The following RBL2 variants were observed in gnomAD, a reference collection of about 807,000 sequenced individuals.
RBL2 encodes the protein RB transcriptional corepressor like 2.
Under a neutral mutation model 126.0 loss-of-function variants are expected in RBL2, and 56 were observed. The observed-to-expected ratio is 0.44, with a 90% CI of 0.36 to 0.56. The LOEUF is 0.56. RBL2 is among the 20% of genes least tolerant of loss of function. The pLI, the probability that RBL2 is intolerant of heterozygous loss-of-function variation, is 0.00. For synonymous variants in RBL2, 454 were observed against 478.5 expected (o/e 0.95, Z 0.67); for missense variants, 1,229 against 1,398.2 (o/e 0.88, Z 1.93).
At chr16:53,483,028 AT>A (rs1385661322) in intron 21 of RBL2, among the ~76,000 whole-genome samples, 3 of 151,930 alleles carry the variant, frequency 2.0e-5, no homozygotes, top group Admixed American at 2.0e-4. Context: ...CCTTCAGTGT[AT>A]TTTTTTTTAA....
rs772437889 is a variant in RBL2 at position 53,447,045 on chromosome 16, A to G, written c.576A>G (p.Arg192=). ...PRQQRGRKQR[R]QPCTVSEIFH... is the part of the protein sequence containing the mutation. ...TTTTTTTTTTCTTCCCCCAAAGGCGACAGCCCTGTACTGTGTCTGAAATTT... is the reference window on the plus strand; with the variant it reads ...TTTTTTTTTTCTTCCCCCAAAGGCGGCAGCCCTGTACTGTGTCTGAAATTT... Residue 192 remains arginine (R), a synonymous_variant, in exon 4 of 22, where the codon CGA becomes CGG. Transcript: ENST00000262133. The G allele has an allele frequency of 3.9e-6, 6 of 1,519,746 alleles. No homozygotes were observed. The African/African-American group carries it at 5.7e-5, about 15-fold the overall frequency. The allele number at this position is 1,519,746 out of a possible 1,614,324, so 94.1% of individuals were successfully genotyped here.
intron 2 of RBL2, among the ~76,000 whole-genome samples, chr16:53,440,471 A>C (rs1421565173): frequency 6.6e-6 from 1 of 152,176 alleles, no homozygotes; most frequent in Non-Finnish European, 1.5e-5. Flanking sequence ...TGACTTCACA[A>C]AGGTTATAAT....
At chr16:53,468,945 A>G (rs1247348402) in intron 14 of RBL2, among the ~76,000 whole-genome samples, 1 of 152,188 alleles carries the variant, frequency 6.6e-6, no homozygotes, top group Non-Finnish European at 1.5e-5. Flanking sequence ...TGTTATATAT[A>G]TAACCACAAT....
At chr16:53,482,133 A>C (rs574189791) in intron 21 of RBL2, among the ~76,000 whole-genome samples, 5 of 152,066 alleles carry the variant, frequency 3.3e-5, no homozygotes, top group African/African-American at 1.2e-4. Flanking sequence ...ATTTGTAACA[A>C]TTTTCCACAT....
intron 8 of RBL2, among the ~76,000 whole-genome samples, chr16:53,455,953 G>A (rs2058163087): frequency 2.0e-5 from 3 of 152,100 alleles, no homozygotes. Flanking sequence ...AAGACTGCCT[G>A]AGCCCAGGAG....
At chr16:53,489,625 C>G (rs185204341) in intron 21 of RBL2, 1 of 152,234 alleles carries the variant, frequency 6.6e-6, no homozygotes. Context: ...CATTCTAGAT[C>G]TTACTAATTT....
intron 4 of RBL2, 32 bp from the exon 5 acceptor site, chr16:53,451,671 A>G: frequency 6.2e-7 from 1 of 1,602,828 alleles, no homozygotes; most frequent in Non-Finnish European, 8.5e-7. Context: ...GTCAATGCTA[A>G]TTTAACTCTG....
intron 2 of RBL2, among the ~76,000 whole-genome samples, chr16:53,440,133 T>TA (rs1256961970): frequency 6.6e-6 from 1 of 151,772 alleles, no homozygotes; most frequent in Non-Finnish European, 1.5e-5. Flanking sequence ...CCGTCTCAAC[T>TA]AAAAATACAA....
In RBL2 at chr16:53,470,266, A is replaced by G; in HGVS notation, c.2245+81A>G. 4 of 1,561,108 alleles carry G rather than the reference A, an allele frequency of 2.6e-6. No individual in the cohort carries two copies. The South Asian group carries it at 3.7e-5, about 14-fold the overall frequency. ...TTACCCGAGGTTTGGCTAGAGTGACATAGGGGACAGAGGAGTGATGGGGAG... is the reference window on the plus strand; with the variant it reads ...TTACCCGAGGTTTGGCTAGAGTGACGTAGGGGACAGAGGAGTGATGGGGAG... On this transcript the variant is annotated intron_variant, in intron 15 of 21. Transcript: ENST00000262133.
In RBL2 at chr16:53,481,788, TCTC is replaced by T; in HGVS notation, c.3206_3208del (p.Pro1069del). On this transcript the variant is annotated inframe_deletion, in exon 21 of 22. Coordinates refer to ENST00000262133, the MANE Select transcript of RBL2 (RefSeq NM_005611.4). The stretch of plus-strand genomic sequence containing the variant: ...CCCACATAAAAATGAAACAATGCTT[TCTC>T]CTCGAGAAAAGATTTTCTATTACTT... 2 of 1,593,184 alleles carry T rather than the reference TCTC, an allele frequency of 1.3e-6. No individual in the cohort carries two copies. Among genetic ancestry groups the T allele is most frequent in the Non-Finnish European group, 1.7e-6 (2 of 1,161,004 alleles).
chr16:53,460,433 T>C (rs1257594848), intron 9 of RBL2, among the ~76,000 whole-genome samples: 1 of 152,246 alleles, frequency 6.6e-6, no homozygotes, highest in Non-Finnish European at 1.5e-5. Flanking sequence ...ATTCATAAAC[T>C]TGATTGTGAT....
chr16:53,447,333 G>C (rs1179232901), intron 4 of RBL2, among the ~76,000 whole-genome samples: 1 of 151,888 alleles, frequency 6.6e-6, no homozygotes, highest in Non-Finnish European at 1.5e-5. Flanking sequence ...CATTAACTTT[G>C]TTGTATACAA....
chr16:53,455,579 TAA>T, intron 8 of RBL2, among the ~76,000 whole-genome samples: 1 of 151,944 alleles, frequency 6.6e-6, no homozygotes, highest in East Asian at 1.9e-4. Flanking sequence ...GGACAGGAGA[TAA>T]ACAAGTAAAT....
At chr16:53,441,384 G>A (rs956087041) in intron 2 of RBL2, among the ~76,000 whole-genome samples, 4 of 152,088 alleles carry the variant, frequency 2.6e-5, no homozygotes, top group African/African-American at 9.7e-5. Context: ...TCTTGGAGTA[G>A]TCCCCAAAGA....
chr16:53,480,222 G>C, intron 19 of RBL2: 1 of 535,208 alleles, frequency 1.9e-6, no homozygotes, highest in South Asian at 2.4e-5. Context: ...GGAGGAATCT[G>C]CTTGCCTGAG....
intron 1 of RBL2, among the ~76,000 whole-genome samples, chr16:53,435,978 C>T (rs2057954833): frequency 6.6e-6 from 1 of 152,120 alleles, no homozygotes; most frequent in African/African-American, 2.4e-5. Flanking sequence ...CAGAGCTGTT[C>T]TGAAGATTAA....
Position 53,434,519 on chromosome 16 carries a change from C to T in RBL2, c.-38C>T, listed in dbSNP as rs758452295. 19 of 1,391,788 alleles carry T rather than the reference C, an allele frequency of 1.4e-5. 1 individual carries two copies. The highest frequency in any genetic ancestry group is 1.6e-5 in the South Asian group (1 of 61,796). 86.2% of individuals were successfully genotyped at this position (1,391,788 alleles called of 1,614,324 possible). A position where few individuals can be genotyped will look rare whatever the true frequency, so the allele number is the denominator to read the frequency against. On this transcript the variant is annotated 5_prime_UTR_variant, in exon 1 of 22. Transcript: ENST00000262133. The stretch of plus-strand genomic sequence containing the variant: ...GTTTGAATGGCTGCGGGCCCGGGCC[C>T]TCACCTCACCTGAGGTCCGGCCGCC...
Position 53,479,924 on chromosome 16 carries a change from A to G in RBL2, c.2814A>G (p.Arg938=). The change falls in exon 19 of 22, where the codon AGA becomes AGG. Residue 938 remains arginine (R), a synonymous_variant. Transcript: ENST00000262133. ...RSVLIKGKRK[R]RNSGSSDSRS... Reference sequence around the variant, plus strand: ...TTTTGATAAAAGGGAAAAGAAAAAGAAGAAATTCTGGCAGCAGTGATAGCA... The same window carrying G: ...TTTTGATAAAAGGGAAAAGAAAAAGGAGAAATTCTGGCAGCAGTGATAGCA... The G allele has an allele frequency of 6.2e-7, 1 of 1,611,440 alleles. No homozygotes were observed. Among genetic ancestry groups the G allele is most frequent in the Non-Finnish European group, 8.5e-7 (1 of 1,178,074 alleles).
chr16:53,442,619 A>T, intron 2 of RBL2, 39 bp from the exon 3 acceptor site: 5 of 1,453,632 alleles, frequency 3.4e-6, no homozygotes, highest in Admixed American at 1.8e-5. Context: ...CTTTAGCCTT[A>T]TGTTAATTAT....
Sources: allele counts gnomAD v4.1 joint callset (sites outside exome capture counted in the v4.1 genomes callset), GRCh38; gene constraint gnomAD v4.1.1; transcripts MANE v1.5; gene names NCBI Gene and HGNC (gene_info 2026-07-23, HGNC 2026-07-21).